ARHGEF3: variants seen among roughly 807,000 people sequenced by gnomAD.
The protein encoded by ARHGEF3 is Rho guanine nucleotide exchange factor 3.
A neutral mutation model predicts 63.2 loss-of-function variants in ARHGEF3; 28 were observed. The observed-to-expected ratio is 0.44, with a 90% CI of 0.33 to 0.61. The LOEUF is 0.61. ARHGEF3 is among the 20% of genes least tolerant of loss of function. The pLI is 0.03. For missense variants in ARHGEF3, 533 were observed against 659.3 expected (o/e 0.81, Z 2.10); for synonymous variants, 266 against 254.2 (o/e 1.05, Z -0.44).
intron 2 of ARHGEF3, among the ~76,000 whole-genome samples, chr3:57,017,459 C>A (rs556030721): frequency 5.1e-4 from 77 of 152,346 alleles, no homozygotes; most frequent in African/African-American, 1.8e-3. Flanking sequence ...GCTCAAGGGG[C>A]CAATTGAGAG....
intron 4 of ARHGEF3, among the ~76,000 whole-genome samples, chr3:56,818,127 C>G (rs938900572): frequency 1.1e-4 from 16 of 152,120 alleles, no homozygotes; most frequent in Non-Finnish European, 1.0e-4. Context: ...ATGAGCTAAC[C>G]CTCTGTCCTG....
At position 56,729,177 on chromosome 3, in the gene ARHGEF3, T is replaced by C; in HGVS notation, c.*93A>G. The C allele has an allele frequency of 1.8e-6, 2 of 1,141,920 alleles. No homozygotes were observed. Among genetic ancestry groups the C allele is most frequent in the Middle Eastern group, 2.5e-4 (1 of 4,026 alleles). 70.7% of individuals were successfully genotyped at this position (1,141,920 alleles called of 1,614,324 possible). A position where few individuals can be genotyped will look rare whatever the true frequency, so the allele number is the denominator to read the frequency against. On this transcript the variant is annotated 3_prime_UTR_variant, in exon 10 of 10. Coordinates refer to ENST00000296315, the MANE Select transcript of ARHGEF3 (RefSeq NM_019555.3). ...CAACATGTATACTTTCACAAAAGTA[T>C]GAAAAAGTGCTTCTCCAAACCGTTC...
At chr3:57,013,368 C>G (rs2107115027) in intron 2 of ARHGEF3, among the ~76,000 whole-genome samples, 1 of 152,358 alleles carries the variant, frequency 6.6e-6, no homozygotes, top group South Asian at 2.1e-4. Flanking sequence ...TTATGTCTAG[C>G]TGGAGGATTG....
intron 1 of ARHGEF3, among the ~76,000 whole-genome samples, chr3:57,051,905 G>A (rs545184252): frequency 4.5e-4 from 68 of 152,210 alleles, no homozygotes; most frequent in African/African-American, 1.6e-3. Context: ...CAAGGTTGCA[G>A]TAAGCCAAGA....
At chr3:56,911,393 T>C (rs2041847499) in intron 3 of ARHGEF3, among the ~76,000 whole-genome samples, 1 of 151,914 alleles carries the variant, frequency 6.6e-6, no homozygotes, top group African/African-American at 2.4e-5. Context: ...AGAGCAAGGG[T>C]TGGCACACAG....
chr3:56,882,193 TG>T, intron 4 of ARHGEF3: 1 of 1,203,276 alleles, frequency 8.3e-7, no homozygotes, highest in Non-Finnish European at 1.2e-6. Flanking sequence ...AGTCAGATCC[TG>T]GAAGCCCACT....
intron 2 of ARHGEF3, among the ~76,000 whole-genome samples, chr3:56,978,496 T>G (rs186451820): frequency 6.6e-6 from 1 of 151,248 alleles, no homozygotes; most frequent in Non-Finnish European, 1.5e-5. Context: ...AATCAATCAA[T>G]AAACAAACAA....
intron 4 of ARHGEF3, among the ~76,000 whole-genome samples, chr3:56,821,444 G>C (rs896129524): frequency 6.6e-6 from 1 of 152,108 alleles, no homozygotes; most frequent in African/African-American, 2.4e-5. Flanking sequence ...GTTATATGCT[G>C]GTGAGGGTAC....
chr3:56,968,582 G>A (rs1028409288), intron 2 of ARHGEF3, among the ~76,000 whole-genome samples: 4 of 149,354 alleles, frequency 2.7e-5, no homozygotes, highest in Admixed American at 6.8e-5. Flanking sequence ...TCCTGCCTCA[G>A]CCTCCCAAAG....
At chr3:56,819,162 C>G (rs182424689) in intron 4 of ARHGEF3, among the ~76,000 whole-genome samples, 1 of 152,050 alleles carries the variant, frequency 6.6e-6, no homozygotes, top group Non-Finnish European at 1.5e-5. Context: ...ATTCCCTGGG[C>G]CACAAAAAGG....
In ARHGEF3 at chr3:56,793,578, C is replaced by G. The variant is rs185751243; in HGVS notation, c.96+8125G>C. ...TCGGCTTCCCAAAGTGCTGGGATTA[C>G]AGGTGTGAGTCACCATGCCCAGCTT... On this transcript the variant is annotated intron_variant, in intron 1 of 9. Coordinates refer to ENST00000296315, the MANE Select transcript of ARHGEF3 (RefSeq NM_019555.3). Among the ~76,000 whole-genome samples, 546 of 152,302 alleles carry G rather than the reference C, an allele frequency of 3.6e-3. 2 individuals carry two copies. The highest frequency in any genetic ancestry group is 0.013 in the South Asian group (62 of 4,826).
chr3:56,942,019 TAGA>T (rs1484623828), intron 3 of ARHGEF3, among the ~76,000 whole-genome samples: 1 of 152,214 alleles, frequency 6.6e-6, no homozygotes, highest in East Asian at 1.9e-4. Context: ...ATGATTCTGG[TAGA>T]AGTTTTCCCA....
chr3:56,956,925 C>T (rs533418078), intron 3 of ARHGEF3, among the ~76,000 whole-genome samples: 2 of 152,318 alleles, frequency 1.3e-5, no homozygotes, highest in East Asian at 1.9e-4. Context: ...TCAATGACTT[C>T]GGGAAATGCT....
intron 7 of ARHGEF3, among the ~76,000 whole-genome samples, chr3:56,738,607 G>C (rs2033802976): frequency 6.6e-6 from 1 of 152,228 alleles, no homozygotes; most frequent in Admixed American, 6.5e-5. Context: ...GCACATGTGA[G>C]TGACTAAGTT....
intron 3 of ARHGEF3, among the ~76,000 whole-genome samples, chr3:56,926,572 G>T (rs945301264): frequency 6.6e-6 from 1 of 152,214 alleles, no homozygotes; most frequent in Non-Finnish European, 1.5e-5. Context: ...TCCCTCTCCT[G>T]GCTGAGTAAG....
chr3:56,893,755 G>A (rs1202110050), intron 3 of ARHGEF3, among the ~76,000 whole-genome samples: 2 of 140,092 alleles, frequency 1.4e-5, no homozygotes, highest in African/African-American at 2.6e-5. Context: ...GCAGTGAGCC[G>A]AGATCGCACC....
chr3:57,013,783 T>A (rs369639271), intron 2 of ARHGEF3, among the ~76,000 whole-genome samples: 1 of 152,194 alleles, frequency 6.6e-6, no homozygotes, highest in African/African-American at 2.4e-5. Context: ...ATTGTAAACA[T>A]ACCAATCAGC....
At chr3:56,929,008 G>A (rs2042345135) in intron 3 of ARHGEF3, among the ~76,000 whole-genome samples, 1 of 152,106 alleles carries the variant, frequency 6.6e-6, no homozygotes, top group African/African-American at 2.4e-5. Flanking sequence ...GGACAATAAA[G>A]GACACCCACA....
chr3:57,002,110 A>G (rs190273195), intron 2 of ARHGEF3, among the ~76,000 whole-genome samples: 2,428 of 151,618 alleles, frequency 0.016, 76 homozygotes, highest in African/African-American at 0.056. Context: ...TTTTTAGTAG[A>G]GACAGGGTTT....
Sources: allele counts gnomAD v4.1 joint callset (sites outside exome capture counted in the v4.1 genomes callset), GRCh38; gene constraint gnomAD v4.1.1; transcripts MANE v1.5; gene names NCBI Gene and HGNC (gene_info 2026-07-23, HGNC 2026-07-21).